Variants in ARHGAP29 observed in about 807,000 individuals in gnomAD.
ARHGAP29 encodes the protein rho GTPase-activating protein 29.
ARHGAP29 carries 43 observed loss-of-function variants against 122.6 expected under a neutral mutation model. The ratio of observed to expected loss-of-function variants is 0.35; its 90% CI spans 0.27 to 0.45. The LOEUF is 0.45. Among genes scored for constraint, ARHGAP29 ranks in the 20% least tolerant of loss-of-function variants. ARHGAP29 has a pLI of 1.00. For missense variants in ARHGAP29, 1,303 were observed against 1,477.2 expected, an observed-to-expected ratio of 0.88 and a Z score of 1.93; for synonymous variants, 506 against 497.1, an observed-to-expected ratio of 1.02 and a Z score of -0.24.
chr1:94,281,788 A>T, the ARHGAP29 span, among the ~76,000 whole-genome samples: 1 of 152,130 alleles, frequency 6.6e-6, no homozygotes, highest in Non-Finnish European at 1.5e-5. Flanking sequence ...GGGTGGGTGA[A>T]ATTCAATTGT....
chr1:94,192,117 TG>T (rs1280045037), intron 12 of ARHGAP29: 1 of 152,146 alleles, frequency 6.6e-6, no homozygotes, highest in Non-Finnish European at 1.5e-5. Flanking sequence ...AATCAAAATT[TG>T]GAAAATAAAT....
Position 94,184,984 on chromosome 1 carries a change from A to AT in ARHGAP29, c.1996dup (p.Ile666AsnfsTer31). The AT allele has an allele frequency of 6.2e-7, 1 of 1,613,518 alleles. No homozygotes were observed. The highest frequency in any genetic ancestry group is 8.5e-7 in the Non-Finnish European group (1 of 1,179,762). Reference sequence around the variant, plus strand: ...TGTGAATTCTGCTCCAAATAAGTGTATTTTTCCTGGAAGTTTCTGATGACC... The same window carrying AT: ...TGTGAATTCTGCTCCAAATAAGTGTATTTTTTCCTGGAAGTTTCTGATGACC... On this transcript the variant is annotated frameshift_variant, in exon 18 of 23. Coordinates refer to ENST00000260526, the MANE Select transcript of ARHGAP29 (RefSeq NM_004815.4). LOFTEE classifies it high-confidence loss of function.
rs144786730 is a variant in ARHGAP29 at position 94,183,401 on chromosome 1, T to C, written c.2247+750A>G. On this transcript the variant is annotated intron_variant, in intron 19 of 22. Coordinates refer to ENST00000260526, the MANE Select transcript of ARHGAP29 (RefSeq NM_004815.4). ...TGATTAAGTTCTTGCAATCCCTCCA[T>C]AAGCTGCTGCTTGATGCTACTAGAG... 6.8e-4 allele frequency among the ~76,000 whole-genome samples: 104 copies of C among 152,166 alleles called. No homozygotes were observed. The East Asian group carries it at 0.019, about 28-fold the overall frequency.
At chr1:94,174,906 C>T (rs543166974) in intron 22 of ARHGAP29, among the ~76,000 whole-genome samples, 157 bp from the exon 23 acceptor site, 1 of 152,138 alleles carries the variant, frequency 6.6e-6, no homozygotes, top group East Asian at 1.9e-4. Flanking sequence ...TAAACATTTG[C>T]ACAGTATTAA....
intron 20 of ARHGAP29, among the ~76,000 whole-genome samples, chr1:94,178,977 A>G (rs1298094749): frequency 6.6e-6 from 1 of 151,994 alleles, no homozygotes; most frequent in Non-Finnish European, 1.5e-5. Flanking sequence ...TGTAAGTCTG[A>G]TTCAAGGGCT....
intron 5 of ARHGAP29, among the ~76,000 whole-genome samples, chr1:94,207,987 G>A (rs995012928): frequency 6.6e-6 from 1 of 152,052 alleles, no homozygotes; most frequent in Non-Finnish European, 1.5e-5. Context: ...TGGGACTACA[G>A]ACTTGTGCCA....
chr1:94,204,145 T>C (rs77020055), intron 7 of ARHGAP29, 151 bp from the exon 8 acceptor site: 4 of 167,406 alleles, frequency 2.4e-5, no homozygotes, highest in South Asian at 1.7e-4. Flanking sequence ...TCTTTCTTCC[T>C]TTTTTTTTTT....
At chr1:94,238,882 A>G (rs775621473), upstream of ARHGAP29, among the ~76,000 whole-genome samples, 1 of 152,206 alleles carries the variant, frequency 6.6e-6, no homozygotes, top group Non-Finnish European at 1.5e-5. Context: ...CATCTTACAT[A>G]GACATATCTT....
At chr1:94,210,233 G>A (rs894082365) in intron 3 of ARHGAP29, among the ~76,000 whole-genome samples, 1 of 152,040 alleles carries the variant, frequency 6.6e-6, no homozygotes, top group Non-Finnish European at 1.5e-5. Flanking sequence ...ACCAATAAAG[G>A]GAAGGAAGAT....
intron 19 of ARHGAP29, among the ~76,000 whole-genome samples, chr1:94,180,455 G>A (rs1649382824): frequency 6.6e-6 from 1 of 152,064 alleles, no homozygotes; most frequent in Admixed American, 6.5e-5. Flanking sequence ...TAGGTCAAAA[G>A]AAAAAGTACC....
chr1:94,236,594 TA>T lies in ARHGAP29; in HGVS notation c.-33+820del. On this transcript the variant is annotated intron_variant, in intron 1 of 22. Coordinates refer to ENST00000260526, the MANE Select transcript of ARHGAP29 (RefSeq NM_004815.4). ...GGGCCAATACCCTCTGAGAAAGTTT[TA>T]AAAAGATAAACATAGAGACAAGAGG... 2.0e-5 allele frequency among the ~76,000 whole-genome samples: 3 copies of T among 152,222 alleles called. No homozygotes were observed. The South Asian group carries it at 6.2e-4, about 32-fold the overall frequency.
intron 19 of ARHGAP29, 82 bp downstream of exon 19, chr1:94,184,069 T>TA (rs1392391026): frequency 6.9e-7 from 1 of 1,459,564 alleles, no homozygotes; most frequent in African/African-American, 1.4e-5. Context: ...AAAACATGTG[T>TA]AGCAAATGTT....
intron 1 of ARHGAP29, among the ~76,000 whole-genome samples, chr1:94,236,557 C>T (rs1328940232): frequency 2.0e-5 from 3 of 152,040 alleles, no homozygotes; most frequent in African/African-American, 7.3e-5. Flanking sequence ...TCCTGCCCTC[C>T]GAAAACATTT....
chr1:94,255,586 G>A (rs1397965396), intron 1 of ARHGAP29, among the ~76,000 whole-genome samples: 3 of 152,114 alleles, frequency 2.0e-5, no homozygotes, highest in South Asian at 2.1e-4. Context: ...TGTTAAGTGC[G>A]GCATTTCTTC....
At chr1:94,295,046 T>G in the ARHGAP29 span, among the ~76,000 whole-genome samples, 2 of 152,214 alleles carry the variant, frequency 1.3e-5, no homozygotes, top group African/African-American at 4.8e-5. Flanking sequence ...ATGACAAATG[T>G]AGACCCCTCC....
chr1:94,231,322 C>T (rs1310683540), intron 2 of ARHGAP29, 85 bp downstream of exon 2: 2 of 1,111,432 alleles, frequency 1.8e-6, no homozygotes, highest in Non-Finnish European at 2.7e-6. Flanking sequence ...CCTGTTCCTA[C>T]CACTGTGTAC....
chr1:94,303,665 A>G, the ARHGAP29 span, among the ~76,000 whole-genome samples: 7 of 152,252 alleles, frequency 4.6e-5, no homozygotes, highest in Non-Finnish European at 1.0e-4. Flanking sequence ...GAGTGAATAC[A>G]TAGTAAGTGC....
At chr1:94,310,478 T>C in the ARHGAP29 span, among the ~76,000 whole-genome samples, 1 of 152,172 alleles carries the variant, frequency 6.6e-6, no homozygotes, top group Non-Finnish European at 1.5e-5. Context: ...AACATTTCCC[T>C]ATGAGGACCA....
At chr1:94,282,312 A>C in the ARHGAP29 span, among the ~76,000 whole-genome samples, 8 of 150,752 alleles carry the variant, frequency 5.3e-5, no homozygotes, top group Admixed American at 4.0e-4. Context: ...TTTGAGACGA[A>C]GTCTCCCTCT....
Sources: gnomAD v4.1 joint callset for allele counts (sites outside exome capture counted in the v4.1 genomes callset) on GRCh38, gnomAD v4.1.1 for gene constraint, MANE v1.5 for transcripts, NCBI Gene and HGNC (gene_info 2026-07-23, HGNC 2026-07-21) for gene names.